Variants in DNAJC10 observed in about 807,000 individuals in gnomAD.
The protein encoded by DNAJC10 is endoplasmic reticulum disulfide reductase DNAJC10.
In DNAJC10, 101 loss-of-function variants were observed where a neutral mutation model predicts 115.0. The observed-to-expected ratio is 0.88, with a 90% confidence interval of 0.75 to 1.04. The LOEUF is 1.04. DNAJC10 is among the 50% of genes least tolerant of loss of function. DNAJC10 has a pLI of 0.00. For missense variants in DNAJC10, 981 were observed against 928.8 expected (o/e 1.06, Z -0.73); for synonymous variants, 307 against 301.5 (o/e 1.02, Z -0.19).
In DNAJC10 at chr2:182,756,353, A is replaced by G; in HGVS notation, c.1693A>G (p.Thr565Ala). Reference protein sequence around the residue: ...NPSVVSLTPTTFNELVTQRKH... With the variant: ...NPSVVSLTPTAFNELVTQRKH... ...TTCAGTGGTCTCCCTTACACCCACC[A>G]CCTTCAACGAACTAGTTACACAAAG... Residue 565 changes from threonine to alanine, a missense_variant, in exon 18 of 24, where the codon ACC (threonine) becomes GCC (alanine). Transcript: ENST00000264065. 1 of 1,613,932 alleles carries G rather than the reference A, an allele frequency of 6.2e-7. No individual in the cohort carries two copies. The highest frequency in any genetic ancestry group is 2.2e-5 in the East Asian group (1 of 44,868).
In DNAJC10 at chr2:182,729,853, A is replaced by G. The variant is rs761835493; in HGVS notation, c.639A>G (p.Pro213=). 1.3e-6 allele frequency: 2 copies of G among 1,588,304 alleles called. No individual in the cohort carries two copies. Among genetic ancestry groups the G allele is most frequent in the Non-Finnish European group, 1.7e-6 (2 of 1,170,244 alleles). ...SLFIFRSGMA[P]VKYHGDRSKE... ...CTTCTTACAAAAACCAATAGGCCCC[A>G]GTGAAATATCATGGAGACAGATCAA... The change falls in exon 8 of 24, where the codon CCA becomes CCG. Residue 213 remains proline (P), a synonymous_variant. Coordinates refer to ENST00000264065, the MANE Select transcript of DNAJC10 (RefSeq NM_018981.4).
rs573443629 is a variant in DNAJC10 at position 182,743,792 on chromosome 2, AT to A, written c.1306+86del. 3.3e-3 allele frequency: 3,169 copies of A among 968,280 alleles called. 15 individuals are homozygous for A. The highest frequency in any genetic ancestry group is 3.8e-3 in the Non-Finnish European group (2,385 of 630,186). 60.0% of individuals were successfully genotyped at this position (968,280 alleles called of 1,614,324 possible). On this transcript the variant is annotated intron_variant, in intron 14 of 23. Transcript: ENST00000264065. ...TTTTCTAATTGTGCTTTTTAAACTT[AT>A]TTTTTACGGACATGCTTATTGTAAA...
chr2:182,772,121 G>C (rs1287683018), intron 22 of DNAJC10, among the ~76,000 whole-genome samples: 1 of 152,178 alleles, frequency 6.6e-6, no homozygotes, highest in Non-Finnish European at 1.5e-5. Context: ...TCCACTAGTT[G>C]TGTGGTTTTG....
intron 22 of DNAJC10, among the ~76,000 whole-genome samples, chr2:182,768,001 G>C (rs941342140): frequency 1.3e-5 from 2 of 152,152 alleles, no homozygotes; most frequent in South Asian, 4.2e-4. Flanking sequence ...ATATGTTGCC[G>C]TGTGCCCCCC....
At chr2:182,747,298 T>C (rs1352333553) in intron 14 of DNAJC10, among the ~76,000 whole-genome samples, 1 of 152,186 alleles carries the variant, frequency 6.6e-6, no homozygotes, top group Non-Finnish European at 1.5e-5. Context: ...GGGGATGGCA[T>C]TGAATCTGTA....
chr2:182,767,980 C>T (rs917108177), intron 22 of DNAJC10, among the ~76,000 whole-genome samples: 3 of 152,106 alleles, frequency 2.0e-5, no homozygotes, highest in African/African-American at 7.2e-5. Context: ...ATGCCATGTA[C>T]ATACGTATGA....
intron 16 of DNAJC10, among the ~76,000 whole-genome samples, chr2:182,753,740 G>A (rs190891228): frequency 4.6e-4 from 70 of 151,736 alleles, no homozygotes; most frequent in Non-Finnish European, 9.1e-4. Flanking sequence ...CCGCCACCAC[G>A]TCCGGCTAAC....
chr2:182,753,245 T>C (rs946206740), intron 16 of DNAJC10, among the ~76,000 whole-genome samples: 12 of 152,148 alleles, frequency 7.9e-5, no homozygotes, highest in Non-Finnish European at 1.6e-4. Flanking sequence ...CGCGAGAGTT[T>C]GTTGCTCTCT....
rs1245217396 is a variant in DNAJC10 at position 182,794,224 on chromosome 2, G to A, written c.*17092G>A. The A allele has an allele frequency of 2.6e-5, 4 of 152,206 alleles. No homozygotes were observed. The highest frequency in any genetic ancestry group is 4.8e-5 in the African/African-American group (2 of 41,436). The allele number at this position is 152,206 out of a possible 1,614,324, so 9.4% of individuals were successfully genotyped here. A position where few individuals can be genotyped will look rare whatever the true frequency, so the allele number is the denominator to read the frequency against. Reference sequence around the variant, plus strand: ...AGCTTGGGAAAGAAGTCTCTGAGGAGAAAGAATGAGGCAATAAGTCAGATG... The same window carrying A: ...AGCTTGGGAAAGAAGTCTCTGAGGAAAAAGAATGAGGCAATAAGTCAGATG... On this transcript the variant is annotated 3_prime_UTR_variant, in exon 24 of 24. Coordinates refer to ENST00000264065, the MANE Select transcript of DNAJC10 (RefSeq NM_018981.4).
intron 22 of DNAJC10, among the ~76,000 whole-genome samples, chr2:182,774,525 A>C (rs1307495292): frequency 6.6e-6 from 1 of 151,886 alleles, no homozygotes; most frequent in African/African-American, 2.4e-5. Flanking sequence ...ATCCCTTTCC[A>C]CTTTGTTTAC....
chr2:182,758,529 G>T (rs1217474066), intron 19 of DNAJC10, among the ~76,000 whole-genome samples: 4 of 152,102 alleles, frequency 2.6e-5, no homozygotes, highest in African/African-American at 9.7e-5. Flanking sequence ...GTAATAACTT[G>T]AATAAAGATT....
chr2:182,774,398 C>T (rs1178156621), intron 22 of DNAJC10, among the ~76,000 whole-genome samples: 2 of 152,230 alleles, frequency 1.3e-5, no homozygotes, highest in East Asian at 1.9e-4. Flanking sequence ...CAGACAGGAA[C>T]GTTTAAGTCT....
chr2:182,733,437 TA>T, intron 10 of DNAJC10, among the ~76,000 whole-genome samples: 1 of 151,760 alleles, frequency 6.6e-6, no homozygotes, highest in East Asian at 1.9e-4. Flanking sequence ...TTAAAAATAA[TA>T]AAAAAACAAA....
In DNAJC10 at chr2:182,762,701, A is replaced by C; in HGVS notation, c.2165A>C (p.Lys722Thr). 6.2e-7 allele frequency: 1 copy of C among 1,612,460 alleles called. No homozygotes were observed. ...LLARMIKGKVKAGKVDCQAYA... is the reference protein window; with the variant it reads ...LLARMIKGKVTAGKVDCQAYA... Reference sequence around the variant, plus strand: ...TTTCAGATGATTAAAGGAAAAGTGAAAGCTGGAAAAGTAGACTGTCAGGCT... The same window carrying C: ...TTTCAGATGATTAAAGGAAAAGTGACAGCTGGAAAAGTAGACTGTCAGGCT... The change falls in exon 22 of 24, where the codon AAA (lysine) becomes ACA (threonine). Residue 722 changes from lysine to threonine, a missense_variant. Coordinates refer to ENST00000264065, the MANE Select transcript of DNAJC10 (RefSeq NM_018981.4).
chr2:182,740,436 T>C (rs1452730971), intron 12 of DNAJC10, 48 bp downstream of exon 12: 1 of 1,501,528 alleles, frequency 6.7e-7, no homozygotes, highest in Non-Finnish European at 8.9e-7. Context: ...GTTCGTAACA[T>C]TTCAGGTCTT....
rs1356826015 is a variant in DNAJC10, at chr2:182,781,383, T to C, written c.*4251T>C. The C allele has an allele frequency of 6.6e-6, 1 of 152,218 alleles. No individual in the cohort carries two copies. Among genetic ancestry groups the C allele is most frequent in the Non-Finnish European group, 1.5e-5 (1 of 68,048 alleles). 9.4% of individuals were successfully genotyped at this position (152,218 alleles called of 1,614,324 possible). A position where few individuals can be genotyped will look rare whatever the true frequency, so the allele number is the denominator to read the frequency against. On this transcript the variant is annotated 3_prime_UTR_variant, in exon 24 of 24. Transcript: ENST00000264065. ...TAACATTGATGGGCATTTTGGTTGG[T>C]TCCAAGTGTTTCCTATTGTGAATAG...
Position 182,788,768 on chromosome 2 carries a change from G to T in DNAJC10, c.*11636G>T, listed in dbSNP as rs1407173293. ...GGAAAACGGAAAGGTAGACTATTCA[G>T]AAGTTTTCTAAAATGGACTTCAAGC... On this transcript the variant is annotated 3_prime_UTR_variant, in exon 24 of 24. Coordinates refer to ENST00000264065, the MANE Select transcript of DNAJC10 (RefSeq NM_018981.4). 1 of 452,246 alleles carries T rather than the reference G, an allele frequency of 2.2e-6. No homozygotes were observed. The highest frequency in any genetic ancestry group is 2.4e-5 in the Admixed American group (1 of 41,464). The allele number at this position is 452,246 out of a possible 1,614,324, so 28.0% of individuals were successfully genotyped here.
intron 2 of DNAJC10, among the ~76,000 whole-genome samples, chr2:182,717,509 C>T (rs1693025204): frequency 1.3e-5 from 2 of 152,102 alleles, no homozygotes; most frequent in African/African-American, 2.4e-5. Flanking sequence ...TCCTTCTAGT[C>T]CCTCCCAAGG....
chr2:182,745,878 T>A (rs1348390517), intron 14 of DNAJC10, among the ~76,000 whole-genome samples: 1 of 152,152 alleles, frequency 6.6e-6, no homozygotes, highest in Non-Finnish European at 1.5e-5. Flanking sequence ...CCCCATGCTA[T>A]GTCTCCCCAC....
Sources: gnomAD v4.1 joint callset for allele counts (sites outside exome capture counted in the v4.1 genomes callset) on GRCh38, gnomAD v4.1.1 for gene constraint, MANE v1.5 for transcripts, NCBI Gene and HGNC (gene_info 2026-07-23, HGNC 2026-07-21) for gene names.